Variants in SLC39A6 observed in about 807,000 individuals in gnomAD.
SLC39A6 encodes the protein solute carrier family 39 member 6.
A neutral mutation model predicts 63.5 loss-of-function variants in SLC39A6; 51 were observed. That is an observed-to-expected ratio of 0.80 (90% CI 0.64 to 1.01). The LOEUF (loss-of-function observed/expected upper bound fraction) is 1.01. Among genes scored for constraint, SLC39A6 ranks in the 50% least tolerant of loss-of-function variants. The probability of loss-of-function intolerance (pLI) is 0.00; values close to 1 mark genes in which losing one functional copy is unlikely to be tolerated. For synonymous variants in SLC39A6, 318 were observed against 324.7 expected (o/e 0.98, Z 0.22); for missense variants, 805 against 927.8 (o/e 0.87, Z 1.72).
rs185863053 is a variant in SLC39A6, at chr18:36,117,827, C to T, written c.1360-1048G>A. On this transcript the variant is annotated intron_variant, in intron 5 of 9. Coordinates refer to ENST00000269187, the MANE Select transcript of SLC39A6 (RefSeq NM_012319.4). ...TGGGCGGATCACAAGGTCAGGAGAT[C>T]GAGACCATCCTGGCTAACATGGTGA... 2.4e-3 allele frequency among the ~76,000 whole-genome samples: 372 copies of T among 152,158 alleles called. 1 individual carries two copies. Among genetic ancestry groups the T allele is most frequent in the African/African-American group, 7.5e-3 (311 of 41,500 alleles).
In SLC39A6 at chr18:36,118,340, G is replaced by A. The variant is rs190328186; in HGVS notation, c.1360-1561C>T. Among the ~76,000 whole-genome samples, 237 of 152,248 alleles carry A rather than the reference G, an allele frequency of 1.6e-3. 1 individual carries two copies. Among genetic ancestry groups the A allele is most frequent in the African/African-American group, 4.9e-3 (202 of 41,520 alleles). On this transcript the variant is annotated intron_variant, in intron 5 of 9. Coordinates refer to ENST00000269187, the MANE Select transcript of SLC39A6 (RefSeq NM_012319.4). ...ATCCACAGGGAGAGGGTTTTACACA[G>A]GTAATGATTATATACTTCTTTGACT...
rs1567961968 is a variant in SLC39A6, at chr18:36,126,549, ACTAT to A, written c.455_458del (p.Asp152ValfsTer35). On this transcript the variant is annotated frameshift_variant, in exon 2 of 10. Coordinates refer to ENST00000269187, the MANE Select transcript of SLC39A6 (RefSeq NM_012319.4). LOFTEE classifies it high-confidence loss of function. ...GGCTGTTTCTAGGATCTTTACCTGA[ACTAT>A]CTGAGTCATGGTCTGGGCAAAGAGC... 6.2e-7 allele frequency: 1 copy of A among 1,614,178 alleles called. No individual in the cohort carries two copies. Among genetic ancestry groups the A allele is most frequent in the Non-Finnish European group, 8.5e-7 (1 of 1,180,032 alleles).
At chr18:36,120,563 T>C (rs1247017935) in intron 5 of SLC39A6, among the ~76,000 whole-genome samples, 1 of 152,236 alleles carries the variant, frequency 6.6e-6, no homozygotes, top group Non-Finnish European at 1.5e-5. Flanking sequence ...TCAACTGTGT[T>C]AGTTTTGAAA....
At position 36,127,499 on chromosome 18, in the gene SLC39A6, C is replaced by A. The variant is rs2089449568; in HGVS notation, c.-9-483G>T. On this transcript the variant is annotated intron_variant, in intron 1 of 9. Transcript: ENST00000269187. ...GACCAGCCTGGGCAACATTGTGAAA[C>A]CCTGTCTCAAAAAAAAAAAAGAACG... 1.3e-5 allele frequency among the ~76,000 whole-genome samples: 2 copies of A among 151,858 alleles called. 1 individual carries two copies. Among genetic ancestry groups the A allele is most frequent in the South Asian group, 4.1e-4 (2 of 4,822 alleles).
intron 5 of SLC39A6, 74 bp downstream of exon 5, chr18:36,121,978 C>T (rs2089397824): frequency 9.0e-7 from 1 of 1,111,808 alleles, no homozygotes; most frequent in East Asian, 2.4e-5. Context: ...GCATGCTATT[C>T]TAACAATCTA....
Position 36,123,644 on chromosome 18 carries a change from C to T in SLC39A6, c.991G>A (p.Ala331Thr), listed in dbSNP as rs761394560. ...GACAGGAAACTGATGATGGAAATGG[C>T]TATAAAACCACCAACCCAGGCTGTC... ...LQIAWVGGFIAISIISFLSLL... is the reference protein window; with the variant it reads ...LQIAWVGGFITISIISFLSLL... The change falls in exon 4 of 10, where the codon GCC (alanine) becomes ACC (threonine). Residue 331 changes from alanine (A) to threonine (T), a missense_variant. Coordinates refer to ENST00000269187, the MANE Select transcript of SLC39A6 (RefSeq NM_012319.4). 8.7e-6 allele frequency: 14 copies of T among 1,607,352 alleles called. No individual in the cohort carries two copies. Among genetic ancestry groups the T allele is most frequent in the Admixed American group, 8.6e-5 (5 of 57,944 alleles).
chr18:36,126,949 G>C lies in SLC39A6; in HGVS notation c.59C>G (p.Pro20Arg), dbSNP rs746426147. The change falls in exon 2 of 10, where the codon CCC becomes CGC. Residue 20 changes from proline (P) to arginine (R), a missense_variant. Around this residue, in one of 4 missense-constraint regions of SLC39A6, gnomAD observed 639 missense variants for 644.0 expected, o/e 0.99. Coordinates refer to ENST00000269187, the MANE Select transcript of SLC39A6 (RefSeq NM_012319.4). ...AGCAGCTGCTTTTAGTTCATGAAGG[G>C]GATTTGTGACAGAGAGGGCAAAGGT... Reference protein sequence around the residue: ...ILTFALSVTNPLHELKAAAFP... With the variant: ...ILTFALSVTNRLHELKAAAFP... 4 of 1,614,018 alleles carry C rather than the reference G, an allele frequency of 2.5e-6. No homozygotes were observed. The highest frequency in any genetic ancestry group is 3.4e-6 in the Non-Finnish European group (4 of 1,179,996).
chr18:36,112,633 A>C, intron 7 of SLC39A6, 52 bp from the exon 8 acceptor site: 1 of 1,394,176 alleles, frequency 7.2e-7, no homozygotes. Flanking sequence ...TGTGTTTTTT[A>C]ATCTTATCAG....
Position 36,114,296 on chromosome 18 carries a change from G to A in SLC39A6, c.1644C>T (p.Leu548=), listed in dbSNP as rs373111246. ...NKCHSHFHDT[L]GQSDDLIHHH... is the part of the protein sequence containing the mutation. ...GGTGAATGAGATCGTCTGACTGGCCGAGTGTATCGTGGAAATGTGAATGGC... is the reference window on the plus strand; with the variant it reads ...GGTGAATGAGATCGTCTGACTGGCCAAGTGTATCGTGGAAATGTGAATGGC... The change falls in exon 7 of 10, where the codon CTC becomes CTT. Residue 548 remains leucine, a synonymous_variant. Transcript: ENST00000269187. 132 of 1,614,150 alleles carry A rather than the reference G, an allele frequency of 8.2e-5. No individual in the cohort carries two copies. Among genetic ancestry groups the A allele is most frequent in the South Asian group, 8.8e-5 (8 of 91,078 alleles).
chr18:36,126,817 T>C lies in SLC39A6; in HGVS notation c.191A>G (p.Tyr64Cys), dbSNP rs2089443319. ...QYHLQQLFYR[Y>C]GENNSLSVEG... ...AACTGACAAAGAATTATTTTCTCCA[T>C]AGCGGTAGAAAAGCTGTTGTAGATG... Residue 64 changes from tyrosine (Y) to cysteine (C), a missense_variant, in exon 2 of 10, where the codon TAT becomes TGT. Tyr to Cys is a radical substitution (Grantham distance 194, BLOSUM62 -2). Transcript: ENST00000269187. 3 of 1,614,108 alleles carry C rather than the reference T, an allele frequency of 1.9e-6. No homozygotes were observed. Among genetic ancestry groups the C allele is most frequent in the Admixed American group, 1.7e-5 (1 of 60,010 alleles).
Position 36,122,246 on chromosome 18 carries a change from G to C in SLC39A6, c.1165C>G (p.His389Asp). The change falls in exon 5 of 10, where the codon CAT (histidine) becomes GAT (aspartate). Residue 389 changes from histidine (H) to aspartate (D), a missense_variant. Physicochemically the swap from His to Asp is moderately conservative, Grantham distance 81. Coordinates refer to ENST00000269187, the MANE Select transcript of SLC39A6 (RefSeq NM_012319.4). Reference sequence around the variant, plus strand: ...TCCATTGCTGGTTCTTCATGGCTATGACTATGGTGGTGACTTGCATGAGAC... The same window carrying C: ...TCCATTGCTGGTTCTTCATGGCTATCACTATGGTGGTGACTTGCATGAGAC... ...PHSHASHHHS[H>D]SHEEPAMEMK... The C allele has an allele frequency of 1.2e-6, 2 of 1,613,344 alleles. No homozygotes were observed. Among genetic ancestry groups the C allele is most frequent in the Non-Finnish European group, 1.7e-6 (2 of 1,179,544 alleles).
chr18:36,114,834 T>G (rs2089330828), intron 6 of SLC39A6, among the ~76,000 whole-genome samples: 1 of 152,220 alleles, frequency 6.6e-6, no homozygotes. Flanking sequence ...TTTAAAATAT[T>G]TATTTTAGAA....
intron 5 of SLC39A6, among the ~76,000 whole-genome samples, chr18:36,117,690 C>G (rs2089357580): frequency 6.6e-6 from 1 of 152,176 alleles, no homozygotes; most frequent in African/African-American, 2.4e-5. Flanking sequence ...CATTCAAGCT[C>G]TAATACCATA....
At chr18:36,120,471 G>C (rs148878669) in intron 5 of SLC39A6, among the ~76,000 whole-genome samples, 146 of 152,252 alleles carry the variant, frequency 9.6e-4, no homozygotes, top group African/African-American at 3.4e-3. Context: ...AAATCCCTAA[G>C]AGCAAATACT....
chr18:36,126,480 C>T lies in SLC39A6; in HGVS notation c.528G>A (p.Arg176=). ...TAGCACTAACACTGTCCTTGACATTCCTTCTACCACTGGCATGTTCTGGTC... is the reference window on the plus strand; with the variant it reads ...TAGCACTAACACTGTCCTTGACATTTCTTCTACCACTGGCATGTTCTGGTC... ...AHRPEHASGR[R]NVKDSVSASE... is the part of the protein sequence containing the mutation. Residue 176 remains arginine, a synonymous_variant, in exon 2 of 10, where the codon AGG becomes AGA. Coordinates refer to ENST00000269187, the MANE Select transcript of SLC39A6 (RefSeq NM_012319.4). The T allele has an allele frequency of 1.2e-6, 2 of 1,614,254 alleles. No homozygotes were observed. The highest frequency in any genetic ancestry group is 8.5e-7 in the Non-Finnish European group (1 of 1,180,052).
rs534067631 is a variant in SLC39A6 at position 36,113,034 on chromosome 18, G to A, written c.1844-453C>T. Among the ~76,000 whole-genome samples, 4 of 152,000 alleles carry A rather than the reference G, an allele frequency of 2.6e-5. No homozygotes were observed. The South Asian group carries it at 8.3e-4, about 32-fold the overall frequency. ...TGAGAAAACTCTAAGACAAATAGCC[G>A]TCCCCTTTTAAAAATCTGACATATT... On this transcript the variant is annotated intron_variant, in intron 7 of 9. Transcript: ENST00000269187.
chr18:36,116,659 T>C lies in SLC39A6; in HGVS notation c.1465+15A>G, dbSNP rs368166670. On this transcript the variant is annotated intron_variant, in intron 6 of 9. Coordinates refer to ENST00000269187, the MANE Select transcript of SLC39A6 (RefSeq NM_012319.4). ...GAACTCCCTCCAGCCCTAAAATTTA[T>C]GCATAAGAACTTACGATCATCTGTA... is the stretch of plus-strand genomic sequence containing the variant. 4.6e-5 allele frequency: 71 copies of C among 1,549,304 alleles called. No individual in the cohort carries two copies. The highest frequency in any genetic ancestry group is 6.2e-5 in the Non-Finnish European group (70 of 1,122,110).
At chr18:36,114,037 A>G in intron 7 of SLC39A6, 60 bp downstream of exon 7, 1 of 1,511,186 alleles carries the variant, frequency 6.6e-7, no homozygotes. Flanking sequence ...AAATTTGACT[A>G]GGTGTTTAAT....
intron 5 of SLC39A6, among the ~76,000 whole-genome samples, chr18:36,119,173 A>C (rs988693266): frequency 6.6e-6 from 1 of 152,230 alleles, no homozygotes; most frequent in Non-Finnish European, 1.5e-5. Flanking sequence ...TATAATGAGT[A>C]GTAGTTTTCT....
Sources: allele counts gnomAD v4.1 joint callset (sites outside exome capture counted in the v4.1 genomes callset), GRCh38; gene constraint gnomAD v4.1.1; regional missense constraint gnomAD v4.1.1; transcripts MANE v1.5; gene names NCBI Gene and HGNC (gene_info 2026-07-23, HGNC 2026-07-21).